The following JMJD7 variants were observed in gnomAD, a reference collection of about 807,000 sequenced individuals.
JMJD7 encodes jumonji domain containing 7.
A neutral mutation model predicts 41.1 loss-of-function variants in JMJD7; 41 were observed. The ratio of observed to expected loss-of-function variants is 1.00; its 90% CI spans 0.78 to 1.30. The LOEUF (loss-of-function observed/expected upper bound fraction) is 1.30. JMJD7 is among the 50% of genes most tolerant of loss of function. JMJD7 has a pLI of 0.00. For missense variants in JMJD7, 480 were observed against 420.7 expected, an observed-to-expected ratio of 1.14 and a Z score of -1.23; for synonymous variants, 202 against 177.2, an observed-to-expected ratio of 1.14 and a Z score of -1.11.
chr15:41,834,271 C>G (rs1245964189), intron 1 of JMJD7, among the ~76,000 whole-genome samples: 6 of 152,242 alleles, frequency 3.9e-5, no homozygotes, highest in Admixed American at 3.9e-4. Flanking sequence ...AAGTGCTGAG[C>G]ACATTCCTGG....
In JMJD7 at chr15:41,837,077, G is replaced by T. The variant is rs749556787; in HGVS notation, c.872G>T (p.Trp291Leu). The T allele has an allele frequency of 2.5e-6, 4 of 1,613,198 alleles. No homozygotes were observed. Among genetic ancestry groups the T allele is most frequent in the South Asian group, 2.2e-5 (2 of 91,052 alleles). The change falls in exon 8 of 8, where the codon TGG (tryptophan) becomes TTG (leucine). Residue 291 changes from tryptophan (W) to leucine (L), a missense_variant. Coordinates refer to ENST00000397299, the MANE Select transcript of JMJD7 (RefSeq NM_001114632.2). ...CCCGTTCTTCCCACAGTGAATTTCT[G>T]GTATGACATGGAATACGACCTCAAG... is the stretch of plus-strand genomic sequence containing the variant. The part of the protein sequence containing the change: ...QSQGCIAVNF[W>L]YDMEYDLKYS...
chr15:41,829,533 T>C (rs1276653622), intron 1 of JMJD7, among the ~76,000 whole-genome samples: 3 of 152,208 alleles, frequency 2.0e-5, no homozygotes, highest in South Asian at 2.1e-4. Context: ...AAACAATCCT[T>C]CCACCTCAGC....
At chr15:41,833,485 A>G (rs2065264637) in intron 1 of JMJD7, among the ~76,000 whole-genome samples, 1 of 137,310 alleles carries the variant, frequency 7.3e-6, no homozygotes, top group Non-Finnish European at 1.5e-5. Context: ...CAGTGGCACG[A>G]TGATAGCTCA....
At chr15:41,832,366 C>T (rs1200438087) in intron 1 of JMJD7, 2 of 184,714 alleles carry the variant, frequency 1.1e-5, no homozygotes, top group African/African-American at 2.4e-5. Flanking sequence ...AGCAACACCC[C>T]AAAGATCCCG....
chr15:41,835,101 AG>A lies in JMJD7; in HGVS notation c.353del (p.Gly118AlafsTer47). The A allele has an allele frequency of 6.2e-7, 1 of 1,613,088 alleles. No individual in the cohort carries two copies. The highest frequency in any genetic ancestry group is 8.5e-7 in the Non-Finnish European group (1 of 1,180,000). On this transcript the variant is annotated frameshift_variant, in exon 3 of 8. Transcript: ENST00000397299. LOFTEE classifies it high-confidence loss of function. ...LPLSFVLDVL[E>X]GRAQHPGVLY... ...CTGAGCTTCGTGCTGGATGTGCTGG[AG>A]GGCCGGGCCCAGCACCCTGGAGTCC...
intron 5 of JMJD7, 85 bp from the exon 6 acceptor site, chr15:41,836,390 G>T: frequency 6.4e-7 from 1 of 1,556,912 alleles, no homozygotes. Flanking sequence ...CCTTGCCCCT[G>T]CCCAGGGCTG....
intron 3 of JMJD7, 145 bp downstream of exon 3, chr15:41,835,368 C>A: frequency 7.4e-7 from 1 of 1,359,400 alleles, no homozygotes; most frequent in Non-Finnish European, 9.8e-7. Context: ...CATTCCCAGG[C>A]CTTGACTTAA....
chr15:41,836,541 C>A lies in JMJD7; in HGVS notation c.692C>A (p.Ala231Asp). The change falls in exon 6 of 8, where the codon GCC becomes GAC. Residue 231 changes from alanine to aspartate, a missense_variant. Coordinates refer to ENST00000397299, the MANE Select transcript of JMJD7 (RefSeq NM_001114632.2). ...ACCTTTAAGGTGGTGGATGAAGAGG[C>A]CATGGAGAAGGTGTCTGTCCTGTTC... ...EGTFKVVDEE[A>D]MEKVPWIPLD... 1.9e-6 allele frequency: 3 copies of A among 1,585,248 alleles called. No individual in the cohort carries two copies. The highest frequency in any genetic ancestry group is 1.8e-5 in the Admixed American group (1 of 55,330).
chr15:41,830,947 T>C (rs745719330), intron 1 of JMJD7, among the ~76,000 whole-genome samples: 12 of 152,146 alleles, frequency 7.9e-5, no homozygotes, highest in Non-Finnish European at 1.5e-4. Flanking sequence ...GTGCCGTGAA[T>C]GGTGGCAAGA....
chr15:41,829,091 C>T (rs1184714190), intron 1 of JMJD7: 1 of 152,236 alleles, frequency 6.6e-6, no homozygotes, highest in Non-Finnish European at 1.5e-5. Flanking sequence ...CAAAACAAAT[C>T]TGTCTTTTAC....
chr15:41,828,123 C>A lies in JMJD7; in HGVS notation c.-2C>A. 1 of 1,457,650 alleles carries A rather than the reference C, an allele frequency of 6.9e-7. No homozygotes were observed. Among genetic ancestry groups the A allele is most frequent in the South Asian group, 1.4e-5 (1 of 69,048 alleles). 90.3% of individuals were successfully genotyped at this position (1,457,650 alleles called of 1,614,324 possible). A position where few individuals can be genotyped will look rare whatever the true frequency, so the allele number is the denominator to read the frequency against. ...GGGGTCTCGGCCGGCGCTGACGCAG[C>A]CATGGCGGAGGCGGCTTTGGAAGCC... is the stretch of plus-strand genomic sequence containing the variant. On this transcript the variant is annotated 5_prime_UTR_variant, in exon 1 of 8. Transcript: ENST00000397299.
chr15:41,837,028 A>C, intron 7 of JMJD7, 40 bp from the exon 8 acceptor site: 1 of 1,609,624 alleles, frequency 6.2e-7, no homozygotes, highest in African/African-American at 1.3e-5. Flanking sequence ...TCTAGGTCAG[A>C]AGAGGGATCT....
In JMJD7 at chr15:41,836,810, G is replaced by T; in HGVS notation, c.732G>T (p.Ala244=). The T allele has an allele frequency of 6.2e-7, 1 of 1,611,310 alleles. No homozygotes were observed. The highest frequency in any genetic ancestry group is 8.5e-7 in the Non-Finnish European group (1 of 1,179,070). Residue 244 remains alanine, a synonymous_variant, in exon 7 of 8, where the codon GCG becomes GCT. Transcript: ENST00000397299. ...KVPWIPLDPL[A]PDLARYPSYS... ...CCTGGATCCCACTGGACCCCTTGGC[G>T]CCAGACCTAGCACGGTACCCTAGTT...
At chr15:41,833,414 A>ATATATATATATATT (rs1239528383) in intron 1 of JMJD7, among the ~76,000 whole-genome samples, 1 of 32,012 alleles carries the variant, frequency 3.1e-5, no homozygotes, top group Non-Finnish European at 6.1e-5. Flanking sequence ...ATATATATAT[A>ATATATATATATATT]TTTTTTTTTT....
rs1338852684 is a variant in JMJD7 at position 41,837,206 on chromosome 15, C to T, written c.*50C>T. ...GCACGCCTCGGGGGACGGAGCCAGC[C>T]CCTCCCTGGCCAGGTCAATTCTCGA... On this transcript the variant is annotated 3_prime_UTR_variant, in exon 8 of 8. Transcript: ENST00000397299. 3 of 1,308,916 alleles carry T rather than the reference C, an allele frequency of 2.3e-6. No homozygotes were observed. The highest frequency in any genetic ancestry group is 2.9e-5 in the African/African-American group (2 of 68,546). 81.1% of individuals were successfully genotyped at this position (1,308,916 alleles called of 1,614,324 possible).
In JMJD7 at chr15:41,836,851, C is replaced by T. The variant is rs755625795; in HGVS notation, c.773C>T (p.Ala258Val). Residue 258 changes from alanine to valine, a missense_variant, in exon 7 of 8, where the codon GCC (alanine) becomes GTC (valine). By Grantham distance (64) the Ala-to-Val change is moderately conservative. Transcript: ENST00000397299. ...ARYPSYSQAQALRCTVRAGEM... is the reference protein window; with the variant it reads ...ARYPSYSQAQVLRCTVRAGEM... Reference sequence around the variant, plus strand: ...TACCCTAGTTACAGTCAGGCCCAGGCCCTTCGCTGCACGGTGCGGGCCGGT... The same window carrying T: ...TACCCTAGTTACAGTCAGGCCCAGGTCCTTCGCTGCACGGTGCGGGCCGGT... 6.2e-7 allele frequency: 1 copy of T among 1,613,196 alleles called. No homozygotes were observed. The highest frequency in any genetic ancestry group is 1.1e-5 in the South Asian group (1 of 91,004).
chr15:41,836,561 C>T lies in JMJD7; in HGVS notation c.702+10C>T, dbSNP rs745788944. 3.8e-6 allele frequency: 6 copies of T among 1,566,140 alleles called. No individual in the cohort carries two copies. The highest frequency in any genetic ancestry group is 5.2e-6 in the Non-Finnish European group (6 of 1,155,682). Reference sequence around the variant, plus strand: ...AGAGGCCATGGAGAAGGTGTCTGTCCTGTTCTTGGGCTCTAGGGAGGGAGA... The same window carrying T: ...AGAGGCCATGGAGAAGGTGTCTGTCTTGTTCTTGGGCTCTAGGGAGGGAGA... On this transcript the variant is annotated intron_variant, in intron 6 of 7. Transcript: ENST00000397299.
chr15:41,828,438 C>G, intron 1 of JMJD7: 1 of 421,146 alleles, frequency 2.4e-6, no homozygotes, highest in Non-Finnish European at 4.2e-6. Context: ...CCCTGTGTTT[C>G]CTACAGTCTT....
At position 41,836,883 on chromosome 15, in the gene JMJD7, C is replaced by T. The variant is rs762145668; in HGVS notation, c.805C>T (p.Leu269Phe). The T allele has an allele frequency of 6.2e-7, 1 of 1,613,530 alleles. No individual in the cohort carries two copies. Among genetic ancestry groups the T allele is most frequent in the South Asian group, 1.1e-5 (1 of 91,084 alleles). The change falls in exon 7 of 8, where the codon CTC (leucine) becomes TTC (phenylalanine). Residue 269 changes from leucine (L) to phenylalanine (F), a missense_variant. By Grantham distance (22) the Leu-to-Phe change is conservative. Coordinates refer to ENST00000397299, the MANE Select transcript of JMJD7 (RefSeq NM_001114632.2). ...CTGCACGGTGCGGGCCGGTGAGATG[C>T]TCTATCTGCCGGCTCTGTGGTTCCA... ...LRCTVRAGEMLYLPALWFHHV... is the reference protein window; with the variant it reads ...LRCTVRAGEMFYLPALWFHHV...
Sources: allele counts gnomAD v4.1 joint callset (sites outside exome capture counted in the v4.1 genomes callset), GRCh38; gene constraint gnomAD v4.1.1; transcripts MANE v1.5; gene names NCBI Gene and HGNC (gene_info 2026-07-23, HGNC 2026-07-21).